The following DOCK2 variants were observed in gnomAD, a reference collection of about 807,000 sequenced individuals.
The protein encoded by DOCK2 is dedicator of cytokinesis 2.
Under a neutral mutation model 248.9 loss-of-function variants are expected in DOCK2, and 87 were observed. The ratio of observed to expected loss-of-function variants is 0.35; its 90% CI spans 0.29 to 0.42. The LOEUF (loss-of-function observed/expected upper bound fraction) is 0.42. DOCK2 is among the 10% of genes least tolerant of loss of function. The probability of loss-of-function intolerance (pLI) is 1.00; values close to 1 mark genes in which losing one functional copy is unlikely to be tolerated. For missense variants in DOCK2, 1,747 were observed against 2,300.2 expected (o/e 0.76, Z 4.92); for synonymous variants, 805 against 821.6 (o/e 0.98, Z 0.35).
chr5:169,829,083 C>T (rs957250951), intron 26 of DOCK2, among the ~76,000 whole-genome samples: 3 of 151,874 alleles, frequency 2.0e-5, no homozygotes, highest in African/African-American at 7.3e-5. Flanking sequence ...AAAGGAAACA[C>T]TAGTTTGCGA....
chr5:169,757,426 G>A (rs567463325), intron 23 of DOCK2, among the ~76,000 whole-genome samples: 22 of 152,108 alleles, frequency 1.4e-4, no homozygotes, highest in African/African-American at 5.1e-4. Context: ...CTTTGATTGC[G>A]AACCCTTTTC....
At chr5:169,977,410 A>T (rs1777753895) in intron 27 of DOCK2, among the ~76,000 whole-genome samples, 1 of 152,236 alleles carries the variant, frequency 6.6e-6, no homozygotes, top group African/African-American at 2.4e-5. Flanking sequence ...TGAGTCAGCA[A>T]CAAGACAATA....
intron 27 of DOCK2, among the ~76,000 whole-genome samples, chr5:169,925,420 A>G (rs1775386433): frequency 6.6e-6 from 1 of 152,026 alleles, no homozygotes; most frequent in Non-Finnish European, 1.5e-5. Flanking sequence ...TCTTTACTAA[A>G]ATTACAAAAA....
At position 169,889,044 on chromosome 5, in the gene DOCK2, G is replaced by C. The variant is rs550511671; in HGVS notation, c.2799+48192G>C. Among the ~76,000 whole-genome samples, 4 of 152,252 alleles carry C rather than the reference G, an allele frequency of 2.6e-5. No individual in the cohort carries two copies. In the South Asian group the frequency reaches 8.3e-4, roughly 32 times the overall value. ...TTCAACTAGACTCTAAGCTCCTTGA[G>C]AGACATGTGGTAATGGTCTACTCTG... On this transcript the variant is annotated intron_variant, in intron 27 of 51. Transcript: ENST00000520908.
chr5:169,779,752 C>T (rs544868938), intron 25 of DOCK2, among the ~76,000 whole-genome samples: 18 of 152,244 alleles, frequency 1.2e-4, no homozygotes, highest in African/African-American at 4.3e-4. Flanking sequence ...TGCTTCACCC[C>T]ATCCCTAGAG....
chr5:170,057,305 A>T (rs926871880), intron 43 of DOCK2: 1 of 497,268 alleles, frequency 2.0e-6, no homozygotes, highest in African/African-American at 2.0e-5. Context: ...AAACAAATGG[A>T]CACATTCAAT....
chr5:170,009,950 T>C (rs1458853007), intron 32 of DOCK2, among the ~76,000 whole-genome samples: 1 of 152,162 alleles, frequency 6.6e-6, no homozygotes, highest in Non-Finnish European at 1.5e-5. Flanking sequence ...GACTGCCACT[T>C]CTTTGCTTTG....
intron 32 of DOCK2, among the ~76,000 whole-genome samples, chr5:170,012,815 G>A (rs967548580): frequency 6.6e-6 from 1 of 152,220 alleles, no homozygotes; most frequent in Non-Finnish European, 1.5e-5. Flanking sequence ...ATTCACTTGG[G>A]TTAACACTGA....
chr5:170,057,557 G>A (rs983644051), intron 43 of DOCK2, 23 bp from the exon 44 acceptor site: 5 of 1,610,540 alleles, frequency 3.1e-6, no homozygotes, highest in African/African-American at 1.3e-5. Context: ...TCCTGCCCTT[G>A]CCACCCCTCT....
intron 9 of DOCK2, among the ~76,000 whole-genome samples, chr5:169,692,509 T>C (rs1490006535): frequency 1.5e-5 from 2 of 133,890 alleles, no homozygotes; most frequent in Non-Finnish European, 3.1e-5. Context: ...TTCTTTAGTG[T>C]GGAGGTGTGT....
intron 26 of DOCK2, among the ~76,000 whole-genome samples, chr5:169,837,206 A>T (rs1769638496): frequency 2.0e-5 from 3 of 152,188 alleles, no homozygotes; most frequent in Admixed American, 6.5e-5. Context: ...TTTAGGTTGG[A>T]TGGATTAATT....
At chr5:169,992,941 A>C (rs1778247231) in intron 29 of DOCK2, among the ~76,000 whole-genome samples, 1 of 152,226 alleles carries the variant, frequency 6.6e-6, no homozygotes, top group Admixed American at 6.5e-5. Context: ...TCATCAGCAC[A>C]GGGGCAAATC....
At chr5:169,905,517 G>C (rs943013278) in intron 27 of DOCK2, among the ~76,000 whole-genome samples, 1 of 152,218 alleles carries the variant, frequency 6.6e-6, no homozygotes, top group Non-Finnish European at 1.5e-5. Context: ...TATGTTGGGA[G>C]AGGACAGTTT....
At chr5:169,703,706 C>A (rs1333690908) in intron 14 of DOCK2, among the ~76,000 whole-genome samples, 1 of 152,176 alleles carries the variant, frequency 6.6e-6, no homozygotes, top group Non-Finnish European at 1.5e-5. Flanking sequence ...GCATTGAACG[C>A]ATCCTCCTTT....
At chr5:169,801,537 G>T (rs776224585) in intron 25 of DOCK2, among the ~76,000 whole-genome samples, 1 of 152,156 alleles carries the variant, frequency 6.6e-6, no homozygotes, top group Non-Finnish European at 1.5e-5. Context: ...TATTAGTACC[G>T]TTGGCAGTTA....
chr5:170,074,076 A>C (rs1206011041), intron 46 of DOCK2, among the ~76,000 whole-genome samples: 1 of 152,154 alleles, frequency 6.6e-6, no homozygotes, highest in Non-Finnish European at 1.5e-5. Flanking sequence ...TAAAGCCATA[A>C]ATGTATCTCC....
intron 27 of DOCK2, among the ~76,000 whole-genome samples, chr5:169,847,826 T>G (rs1770402451): frequency 1.3e-5 from 2 of 152,168 alleles, no homozygotes; most frequent in African/African-American, 4.8e-5. Flanking sequence ...TGTCATGGCA[T>G]GAGATTGGAG....
intron 27 of DOCK2, among the ~76,000 whole-genome samples, chr5:169,895,122 C>T (rs898434791): frequency 6.6e-5 from 10 of 152,236 alleles, no homozygotes; most frequent in African/African-American, 2.4e-4. Context: ...ATGCAAATCA[C>T]AGGCTGTGTA....
chr5:170,051,476 C>T (rs1462075749), intron 41 of DOCK2, among the ~76,000 whole-genome samples: 1 of 152,212 alleles, frequency 6.6e-6, no homozygotes, highest in Non-Finnish European at 1.5e-5. Flanking sequence ...GACTAGCTGT[C>T]TCTTACCCAT....
Sources: allele counts gnomAD v4.1 joint callset (sites outside exome capture counted in the v4.1 genomes callset), GRCh38; gene constraint gnomAD v4.1.1; transcripts MANE v1.5; gene names NCBI Gene and HGNC (gene_info 2026-07-23, HGNC 2026-07-21).